Variants in RELN observed in about 807,000 individuals in gnomAD.
RELN encodes reelin.
A neutral mutation model predicts 427.6 loss-of-function variants in RELN; 108 were observed. The observed-to-expected ratio is 0.25, with a 90% CI of 0.22 to 0.30. The LOEUF (loss-of-function observed/expected upper bound fraction) is 0.30, where lower values mean the gene tolerates loss of function less well. Ranked by LOEUF, RELN falls within the 10% of genes least tolerant of loss-of-function variation. The pLI is 1.00. For synonymous variants in RELN, 1,524 were observed against 1,513.4 expected (o/e 1.01, Z -0.16); for missense variants, 3,715 against 4,302.8 (o/e 0.86, Z 3.82).
chr7:103,502,954 T>G, intron 52 of RELN, 62 bp downstream of exon 52: 2 of 1,334,504 alleles, frequency 1.5e-6, no homozygotes, highest in Non-Finnish European at 2.2e-6. Context: ...ATGACAACAG[T>G]GTACCTAATG....
intron 11 of RELN, among the ~76,000 whole-genome samples, chr7:103,680,987 C>T (rs1833641796): frequency 6.6e-6 from 1 of 152,058 alleles, no homozygotes; most frequent in Non-Finnish European, 1.5e-5. Flanking sequence ...CAGGGAGGAG[C>T]AGGGCTGGGT....
At chr7:103,511,058 A>C in intron 50 of RELN, 53 bp from the exon 51 acceptor site, 1 of 1,393,782 alleles carries the variant, frequency 7.2e-7, no homozygotes, top group Non-Finnish European at 1.0e-6. Context: ...AAATACTTGA[A>C]GCAAATTTTC....
chr7:103,973,782 T>C (rs1796812095), intron 1 of RELN, among the ~76,000 whole-genome samples: 1 of 151,812 alleles, frequency 6.6e-6, no homozygotes, highest in Non-Finnish European at 1.5e-5. Context: ...CCTAAGACTA[T>C]AAATAGATTA....
At chr7:103,877,235 T>C (rs1255515996) in intron 2 of RELN, among the ~76,000 whole-genome samples, 1 of 152,140 alleles carries the variant, frequency 6.6e-6, no homozygotes, top group Non-Finnish European at 1.5e-5. Flanking sequence ...TGGAAAACAG[T>C]TCATTTCCAA....
intron 51 of RELN, among the ~76,000 whole-genome samples, chr7:103,507,123 G>A (rs984609533): frequency 5.5e-5 from 7 of 127,874 alleles, no homozygotes; most frequent in South Asian, 2.6e-4. Context: ...TTAGATCAAC[G>A]AGACAGAAAA....
chr7:103,601,574 A>T (rs1831669299), intron 24 of RELN, among the ~76,000 whole-genome samples: 1 of 152,192 alleles, frequency 6.6e-6, no homozygotes, highest in Non-Finnish European at 1.5e-5. Context: ...TTGCCTCAGA[A>T]TTGGTGGCTA....
chr7:103,794,447 T>TGGTTTGGTAAGGATAA (rs1207842537), intron 3 of RELN, among the ~76,000 whole-genome samples: 3 of 152,226 alleles, frequency 2.0e-5, no homozygotes, highest in Non-Finnish European at 4.4e-5. Flanking sequence ...GATTAAACTT[T>TGGTTTGGTAAGGATAA]ATCCTCTTGG....
At chr7:103,785,484 C>T (rs1344970929) in intron 3 of RELN, among the ~76,000 whole-genome samples, 5 of 152,080 alleles carry the variant, frequency 3.3e-5, no homozygotes, top group African/African-American at 1.2e-4. Context: ...CACTAGTTTC[C>T]ACAATAGAAG....
chr7:103,759,990 CTTTT>C (rs57019839), intron 4 of RELN, among the ~76,000 whole-genome samples: 5,544 of 62,940 alleles, frequency 0.088, 149 homozygotes, highest in African/African-American at 0.12. Flanking sequence ...CACAGTCATA[CTTTT>C]TTTTTTTTTT....
chr7:103,713,621 A>G (rs1789859500), intron 8 of RELN, among the ~76,000 whole-genome samples: 1 of 151,862 alleles, frequency 6.6e-6, no homozygotes. Context: ...GATGAGCAAC[A>G]TGAAGATATT....
chr7:103,859,167 T>C (rs1794015112), intron 2 of RELN, among the ~76,000 whole-genome samples: 1 of 152,182 alleles, frequency 6.6e-6, no homozygotes, highest in East Asian at 1.9e-4. Context: ...GAAAAATATG[T>C]ATGTTTTGGG....
At chr7:103,533,623 C>G (rs1450853769) in intron 46 of RELN, among the ~76,000 whole-genome samples, 1 of 152,088 alleles carries the variant, frequency 6.6e-6, no homozygotes, top group Admixed American at 6.6e-5. Flanking sequence ...AATAAACAAA[C>G]TGCTTATTTT....
intron 10 of RELN, among the ~76,000 whole-genome samples, chr7:103,688,187 A>T (rs1210011506): frequency 6.6e-6 from 1 of 152,122 alleles, no homozygotes; most frequent in Non-Finnish European, 1.5e-5. Flanking sequence ...AATCATAGTT[A>T]ACATTCTGAT....
intron 4 of RELN, among the ~76,000 whole-genome samples, chr7:103,764,759 C>G (rs1051266620): frequency 1.3e-5 from 2 of 149,402 alleles, no homozygotes; most frequent in African/African-American, 5.0e-5. Context: ...TTGCTTGAAC[C>G]TGGGAGGCGG....
At chr7:103,519,280 C>G (rs775518129) in intron 49 of RELN, 43 bp downstream of exon 49, 5 of 1,480,106 alleles carry the variant, frequency 3.4e-6, no homozygotes, top group Non-Finnish European at 3.8e-6. Flanking sequence ...GTAGCAATCT[C>G]TGCTCGATGT....
In RELN at chr7:103,527,110, C is replaced by G. The variant is rs185940827; in HGVS notation, c.7350-3579G>C. Among the ~76,000 whole-genome samples the G allele has an allele frequency of 1.6e-4, 25 of 152,288 alleles. No homozygotes were observed. The East Asian group carries it at 3.7e-3, about 22-fold the overall frequency. Reference sequence around the variant, plus strand: ...CCTCACTGGTCTCCCAGGTATCTCTCCCTACACTACCTCCGCACCTTTTAA... The same window carrying G: ...CCTCACTGGTCTCCCAGGTATCTCTGCCTACACTACCTCCGCACCTTTTAA... On this transcript the variant is annotated intron_variant, in intron 46 of 64. Coordinates refer to ENST00000428762, the MANE Select transcript of RELN (RefSeq NM_005045.4).
intron 61 of RELN, chr7:103,484,212 A>G: frequency 7.4e-6 from 2 of 270,264 alleles, no homozygotes; most frequent in Non-Finnish European, 1.4e-5. Flanking sequence ...TTCAGGAAGT[A>G]TTAAAGGAAT....
At chr7:103,936,252 C>T (rs915658320) in intron 1 of RELN, among the ~76,000 whole-genome samples, 2 of 152,030 alleles carry the variant, frequency 1.3e-5, no homozygotes, top group Non-Finnish European at 2.9e-5. Context: ...GCCACCATGC[C>T]CAGCTAATTA....
chr7:103,769,267 G>T (rs1791505301), intron 4 of RELN, among the ~76,000 whole-genome samples: 5 of 152,242 alleles, frequency 3.3e-5, no homozygotes, highest in Middle Eastern at 6.8e-3. Flanking sequence ...GCAGTGATTA[G>T]GTCATAAGGG....
Sources: gnomAD v4.1 joint callset for allele counts (sites outside exome capture counted in the v4.1 genomes callset) on GRCh38, gnomAD v4.1.1 for gene constraint, MANE v1.5 for transcripts, NCBI Gene and HGNC (gene_info 2026-07-23, HGNC 2026-07-21) for gene names.